Variants in CSMD1 observed in about 807,000 individuals in gnomAD.
CSMD1 encodes the protein CUB and Sushi multiple domains 1.
In CSMD1, 213 loss-of-function variants were observed where a neutral mutation model predicts 417.5. The observed-to-expected ratio is 0.51, with a 90% confidence interval of 0.46 to 0.57. CSMD1 has a LOEUF of 0.57. Ranked by LOEUF, CSMD1 falls within the 20% of genes least tolerant of loss-of-function variation. CSMD1 has a pLI of 0.00. For missense variants in CSMD1, 6,923 were observed against 4,529.7 expected (o/e 1.53, Z -15.17); for synonymous variants, 2,862 against 1,736.8 (o/e 1.65, Z -16.11).
intron 17 of CSMD1, among the ~76,000 whole-genome samples, chr8:3,389,143 G>T (rs937659354): frequency 6.6e-6 from 1 of 152,214 alleles, no homozygotes. Context: ...AAGTTCAGGG[G>T]TACATGTGCA....
chr8:4,307,713 G>C (rs559056010), intron 3 of CSMD1, among the ~76,000 whole-genome samples: 113 of 152,234 alleles, frequency 7.4e-4, no homozygotes, highest in Middle Eastern at 3.4e-3. Context: ...CGATGCTCTT[G>C]ACCATGAGTG....
chr8:4,967,964 G>C (rs1283802917), intron 1 of CSMD1, among the ~76,000 whole-genome samples: 2 of 151,998 alleles, frequency 1.3e-5, no homozygotes, highest in African/African-American at 2.4e-5. Context: ...TCTAAATAAA[G>C]ACGATAGGTA....
At chr8:4,988,566 G>T (rs1811298709) in intron 1 of CSMD1, among the ~76,000 whole-genome samples, 1 of 152,218 alleles carries the variant, frequency 6.6e-6, no homozygotes, top group African/African-American at 2.4e-5. Flanking sequence ...TTGTTGAAAT[G>T]TTATTCCTTG....
chr8:3,434,681 C>T (rs1814432795), intron 12 of CSMD1, among the ~76,000 whole-genome samples: 1 of 152,124 alleles, frequency 6.6e-6, no homozygotes, highest in Non-Finnish European at 1.5e-5. Context: ...TCCATATCCC[C>T]CTCATTCCTG....
intron 3 of CSMD1, among the ~76,000 whole-genome samples, chr8:4,140,627 C>T (rs1428545519): frequency 3.3e-5 from 5 of 150,862 alleles, no homozygotes; most frequent in Non-Finnish European, 1.5e-5. Context: ...ATGATTGCGC[C>T]ACTGCACTCC....
chr8:4,355,749 G>A, intron 3 of CSMD1, among the ~76,000 whole-genome samples: 1 of 152,130 alleles, frequency 6.6e-6, no homozygotes, highest in East Asian at 1.9e-4. Context: ...CCCCCTGCAT[G>A]AAGCTCTGTT....
chr8:4,236,613 C>T (rs1218743386), intron 3 of CSMD1, among the ~76,000 whole-genome samples: 1 of 152,108 alleles, frequency 6.6e-6, no homozygotes, highest in African/African-American at 2.4e-5. Context: ...AGGTTCTAAA[C>T]CTACCTCTTA....
intron 1 of CSMD1, among the ~76,000 whole-genome samples, chr8:4,946,852 A>C (rs373510964): frequency 1.8e-4 from 27 of 152,214 alleles, no homozygotes; most frequent in Non-Finnish European, 3.7e-4. Flanking sequence ...TTATTTTGAC[A>C]TAAGATTTTA....
At chr8:4,905,935 C>A (rs1805239430) in intron 1 of CSMD1, among the ~76,000 whole-genome samples, 1 of 152,048 alleles carries the variant, frequency 6.6e-6, no homozygotes, top group Non-Finnish European at 1.5e-5. Context: ...TCACCAGTCC[C>A]AGTTTCCCAA....
Position 3,542,304 on chromosome 8 carries a change from T to C in CSMD1, c.1344+32641A>G, listed in dbSNP as rs146493351. On this transcript the variant is annotated intron_variant, in intron 10 of 69. Transcript: ENST00000635120. The stretch of plus-strand genomic sequence containing the variant: ...ATGGTTCATTCATTCAGATGGTTCA[T>C]TCAGAATCTTCAATCATTCAGATGG... Among the ~76,000 whole-genome samples, 516 of 152,102 alleles carry C rather than the reference T, an allele frequency of 3.4e-3. 3 individuals carry two copies. The highest frequency in any genetic ancestry group is 0.012 in the African/African-American group (490 of 41,376).
In CSMD1 at chr8:3,616,816, T is replaced by G; in HGVS notation, c.1010-19A>C. The G allele has an allele frequency of 6.4e-7, 1 of 1,567,052 alleles. No individual in the cohort carries two copies. The highest frequency in any genetic ancestry group is 2.2e-5 in the East Asian group (1 of 44,516). ...TGGCTCACTGTAATAGACAGAAACATTGTCAAAATGCTGTATAGTTATTGA... is the reference window on the plus strand; with the variant it reads ...TGGCTCACTGTAATAGACAGAAACAGTGTCAAAATGCTGTATAGTTATTGA... On this transcript the variant is annotated intron_variant, in intron 7 of 69. Transcript: ENST00000635120.
At chr8:4,151,910 G>C (rs1454174799) in intron 3 of CSMD1, among the ~76,000 whole-genome samples, 3 of 152,148 alleles carry the variant, frequency 2.0e-5, no homozygotes, top group African/African-American at 7.2e-5. Context: ...AAGTCCATTT[G>C]TCTATCAGCA....
At chr8:4,980,846 G>A (rs1450457572) in intron 1 of CSMD1, among the ~76,000 whole-genome samples, 1 of 151,956 alleles carries the variant, frequency 6.6e-6, no homozygotes, top group South Asian at 2.1e-4. Flanking sequence ...TGAGGCTGCA[G>A]TGAGCGAAGA....
intron 5 of CSMD1, among the ~76,000 whole-genome samples, chr8:3,783,389 G>A (rs535465700): frequency 6.6e-6 from 1 of 152,308 alleles, no homozygotes; most frequent in African/African-American, 2.4e-5. Context: ...ATGCCCCTGG[G>A]GTGACCCACG....
At chr8:3,892,997 G>A (rs1488706928) in intron 5 of CSMD1, among the ~76,000 whole-genome samples, 2 of 151,902 alleles carry the variant, frequency 1.3e-5, no homozygotes, top group African/African-American at 4.8e-5. Context: ...AACAATCATG[G>A]TTCAGTTTTC....
chr8:3,586,334 AG>A (rs1800600809), intron 8 of CSMD1, 74 bp from the exon 9 acceptor site: 1 of 1,315,708 alleles, frequency 7.6e-7, no homozygotes, highest in Non-Finnish European at 1.0e-6. Flanking sequence ...AAAAAAAATC[AG>A]CAAAATGGCT....
chr8:3,149,130 T>A (rs555791385), intron 40 of CSMD1, among the ~76,000 whole-genome samples: 1 of 152,314 alleles, frequency 6.6e-6, no homozygotes, highest in South Asian at 2.1e-4. Flanking sequence ...AGATCCCAAA[T>A]ATGAATTTAG....
intron 5 of CSMD1, among the ~76,000 whole-genome samples, chr8:3,875,097 C>T (rs1472985896): frequency 6.6e-6 from 1 of 150,466 alleles, no homozygotes; most frequent in African/African-American, 2.5e-5. Context: ...GGGACCAGAT[C>T]CTAGAGGGGC....
At chr8:3,586,041 C>T in intron 9 of CSMD1, 95 bp downstream of exon 9, 1 of 1,271,614 alleles carries the variant, frequency 7.9e-7, no homozygotes, top group Non-Finnish European at 1.1e-6. Context: ...CTACTCTTCC[C>T]ATACACAATG....
Sources: gnomAD v4.1 joint callset for allele counts (sites outside exome capture counted in the v4.1 genomes callset) on GRCh38, gnomAD v4.1.1 for gene constraint, MANE v1.5 for transcripts, NCBI Gene and HGNC (gene_info 2026-07-23, HGNC 2026-07-21) for gene names.